Variants in SIRT3 observed in about 807,000 individuals in gnomAD.
SIRT3 encodes the protein NAD-dependent protein deacetylase sirtuin-3, mitochondrial.
A neutral mutation model predicts 33.5 loss-of-function variants in SIRT3; 26 were observed. The observed-to-expected ratio is 0.78, with a 90% confidence interval of 0.57 to 1.08. SIRT3 has a LOEUF of 1.08. Among genes scored for constraint, SIRT3 ranks in the 50% least tolerant of loss-of-function variants. The pLI is 0.00. For synonymous variants in SIRT3, 237 were observed against 222.1 expected (o/e 1.07, Z -0.60); for missense variants, 585 against 530.1 (o/e 1.10, Z -1.02).
At chr11:221,800 C>G (rs548219425) in intron 5 of SIRT3, among the ~76,000 whole-genome samples, 2 of 151,586 alleles carry the variant, frequency 1.3e-5, no homozygotes, top group South Asian at 2.1e-4. Flanking sequence ...TCCATGGACT[C>G]ACATTGTTAC....
intron 4 of SIRT3, 117 bp from the exon 5 acceptor site, chr11:224,356 A>T (rs1856868222): frequency 1.8e-6 from 2 of 1,090,134 alleles, no homozygotes; most frequent in Middle Eastern, 3.1e-4. Flanking sequence ...TGAGAGAGGG[A>T]TCATGAACCC....
At chr11:218,596 C>A (rs1855970662) in intron 6 of SIRT3, among the ~76,000 whole-genome samples, 1 of 152,170 alleles carries the variant, frequency 6.6e-6, no homozygotes, top group Non-Finnish European at 1.5e-5. Context: ...GACTCATCAG[C>A]CCTGAGTGTC....
chr11:232,676 A>G (rs1166615579), intron 3 of SIRT3, among the ~76,000 whole-genome samples: 2 of 152,184 alleles, frequency 1.3e-5, no homozygotes, highest in African/African-American at 4.8e-5. Flanking sequence ...AGAAAAAAAG[A>G]GATCATCACA....
At chr11:234,756 T>A (rs1858691332) in intron 1 of SIRT3, among the ~76,000 whole-genome samples, 9 of 151,080 alleles carry the variant, frequency 6.0e-5, no homozygotes, top group Admixed American at 5.9e-4. Flanking sequence ...ATCACAGATA[T>A]TAGAATGCGC....
chr11:226,915 G>A (rs913763968), intron 4 of SIRT3, among the ~76,000 whole-genome samples: 3 of 150,514 alleles, frequency 2.0e-5, no homozygotes, highest in South Asian at 2.1e-4. Flanking sequence ...CATCACGCCC[G>A]GCTAATTTTG....
At chr11:233,612 C>T (rs1282237248) in intron 1 of SIRT3, 78 bp from the exon 2 acceptor site, 2 of 1,411,998 alleles carry the variant, frequency 1.4e-6, no homozygotes, top group Admixed American at 3.7e-5. Flanking sequence ...ATGGCTCTGC[C>T]CTCTGCACCA....
chr11:236,191 C>T lies in SIRT3; in HGVS notation c.138G>A (p.Val46=). 1.3e-6 allele frequency: 2 copies of T among 1,561,992 alleles called. No homozygotes were observed. The highest frequency in any genetic ancestry group is 1.7e-6 in the Non-Finnish European group (2 of 1,156,720). ...CATGGCTGCCTCTCAGCCCCGCACT[C>T]ACATCGTCCCTGCCGCCAAGCACCA... ...CRLVLGGRDD[V]SAGLRGSHGA... The change falls in exon 1 of 7, where the codon GTG becomes GTA. Residue 46 remains valine, a synonymous_variant. Transcript: ENST00000382743.
Position 223,650 on chromosome 11 carries a change from G to A in SIRT3, c.969+428C>T. 1.9e-6 allele frequency: 1 copy of A among 529,288 alleles called. No individual in the cohort carries two copies. Among genetic ancestry groups the A allele is most frequent in the Non-Finnish European group, 3.5e-6 (1 of 284,468 alleles). The allele number at this position is 529,288 out of a possible 1,614,324, so 32.8% of individuals were successfully genotyped here. On this transcript the variant is annotated intron_variant, in intron 5 of 6. Transcript: ENST00000382743. This position sits in a 1 kb window ranked among gnomAD's most constrained non-coding sequence, Gnocchi z 4.8. ...CTTCTCCCTTCTCCTCACACGTGGTGCCCCACCCACACCTATACCACCTCC... is the reference window on the plus strand; with the variant it reads ...CTTCTCCCTTCTCCTCACACGTGGTACCCCACCCACACCTATACCACCTCC...
intron 5 of SIRT3, among the ~76,000 whole-genome samples, chr11:220,833 G>A (rs1237494193): frequency 2.7e-5 from 4 of 145,926 alleles, no homozygotes; most frequent in African/African-American, 5.2e-5. Flanking sequence ...GATATTCACC[G>A]GAAGGCAAGT....
intron 6 of SIRT3, 130 bp downstream of exon 6, chr11:218,702 G>A: frequency 2.7e-6 from 4 of 1,493,350 alleles, no homozygotes; most frequent in Non-Finnish European, 3.6e-6. Flanking sequence ...GTAGTGCCTG[G>A]TGCAGGATTC....
At chr11:236,498 C>A (rs1332412715), upstream of SIRT3, 4 of 247,094 alleles carry the variant, frequency 1.6e-5, no homozygotes, top group Non-Finnish European at 2.6e-5. Flanking sequence ...CTTGCCGACG[C>A]CTCCGGCGCG....
rs756614128 is a variant in SIRT3 at position 233,348 on chromosome 11, G to A, written c.468C>T (p.Asp156=). 3 of 1,613,614 alleles carry A rather than the reference G, an allele frequency of 1.9e-6. No homozygotes were observed. Among genetic ancestry groups the A allele is most frequent in the Non-Finnish European group, 2.5e-6 (3 of 1,179,732 alleles). ...GGTGGGACTGTGGGCAGTACCTGAAGTCTGGAATGCCACTGGGTGTGCTGA... is the reference window on the plus strand; with the variant it reads ...GGTGGGACTGTGGGCAGTACCTGAAATCTGGAATGCCACTGGGTGTGCTGA... ...AGISTPSGIP[D]FRSPGSGLYS... The change falls in exon 2 of 7, where the codon GAC becomes GAT. Residue 156 remains aspartate, a synonymous_variant. Transcript: ENST00000382743.
chr11:233,770 C>G lies in SIRT3; in HGVS notation c.282-236G>C, dbSNP rs1311301124. 1.2e-5 allele frequency: 6 copies of G among 509,810 alleles called. No individual in the cohort carries two copies. In the Admixed American group the frequency reaches 2.1e-4, roughly 17 times the overall value. The allele number at this position is 509,810 out of a possible 1,614,324, so 31.6% of individuals were successfully genotyped here. ...AGCAAAAAATTCAGGTTAATGGGAACTGTGCTCATTTCATAATTCAGTACA... is the reference window on the plus strand; with the variant it reads ...AGCAAAAAATTCAGGTTAATGGGAAGTGTGCTCATTTCATAATTCAGTACA... On this transcript the variant is annotated intron_variant, in intron 1 of 6. Coordinates refer to ENST00000382743, the MANE Select transcript of SIRT3 (RefSeq NM_012239.6).
intron 6 of SIRT3, among the ~76,000 whole-genome samples, chr11:218,243 T>C (rs561869509): frequency 2.6e-5 from 4 of 152,314 alleles, no homozygotes; most frequent in African/African-American, 7.2e-5. Flanking sequence ...CCACCTCCCA[T>C]TGAAAACCCT....
intron 4 of SIRT3, among the ~76,000 whole-genome samples, chr11:228,542 G>C (rs1225024255): frequency 6.6e-6 from 1 of 152,084 alleles, no homozygotes; most frequent in African/African-American, 2.4e-5. Context: ...AATGGTGCTG[G>C]AACAATTACA....
chr11:233,581 C>T, intron 1 of SIRT3, 47 bp from the exon 2 acceptor site: 1 of 1,591,502 alleles, frequency 6.3e-7, no homozygotes, highest in Non-Finnish European at 8.6e-7. Flanking sequence ...AGCAACCAAT[C>T]TCAGGATAGC....
intron 4 of SIRT3, among the ~76,000 whole-genome samples, chr11:227,016 T>C (rs1180135700): frequency 1.3e-5 from 2 of 151,460 alleles, no homozygotes; most frequent in Non-Finnish European, 2.9e-5. Flanking sequence ...CCTCCCAAAG[T>C]ACTGGGATTA....
At chr11:236,810 T>C (rs1859225231), upstream of SIRT3, 6 of 570,720 alleles carry the variant, frequency 1.1e-5, no homozygotes, top group East Asian at 6.0e-5. Flanking sequence ...CCACACTCTT[T>C]GACGCCTCAA....
chr11:229,669 GA>G (rs1445019154), intron 4 of SIRT3, among the ~76,000 whole-genome samples: 2 of 151,968 alleles, frequency 1.3e-5, no homozygotes, highest in African/African-American at 4.8e-5. Context: ...TGAGGCAGGA[GA>G]ATCGCTTGAA....
Sources: allele counts gnomAD v4.1 joint callset (sites outside exome capture counted in the v4.1 genomes callset), GRCh38; gene constraint gnomAD v4.1.1; non-coding constraint Gnocchi (gnomAD v3.1); transcripts MANE v1.5; gene names NCBI Gene and HGNC (gene_info 2026-07-23, HGNC 2026-07-21).